The following LTBR variants were observed in gnomAD, a reference collection of about 807,000 sequenced individuals.
LTBR encodes the protein lymphotoxin beta receptor, also known as tumor necrosis factor receptor superfamily member 3.
In LTBR, 15 loss-of-function variants were observed where a neutral mutation model predicts 45.4. The ratio of observed to expected loss-of-function variants is 0.33; its 90% CI spans 0.22 to 0.51. LTBR has a LOEUF of 0.51. Among genes scored for constraint, LTBR ranks in the 20% least tolerant of loss-of-function variants. The pLI is 0.97. For missense variants in LTBR, 450 were observed against 565.5 expected, an observed-to-expected ratio of 0.80 and a Z score of 2.07; for synonymous variants, 228 against 231.0, an observed-to-expected ratio of 0.99 and a Z score of 0.12.
upstream of LTBR, among the ~76,000 whole-genome samples, chr12:6,379,866 G>A (rs1216171187): frequency 6.6e-6 from 1 of 150,996 alleles, no homozygotes; most frequent in Non-Finnish European, 1.5e-5. Flanking sequence ...CCGGGGAGGT[G>A]GAGCTTGGAG....
At position 6,391,291 on chromosome 12, in the gene LTBR, G is replaced by A. The variant is rs548960353; in HGVS notation, c.*354G>A. 3.5e-5 allele frequency: 7 copies of A among 198,146 alleles called. 1 individual carries two copies. In the South Asian group the frequency reaches 7.3e-4, roughly 21 times the overall value. The allele number at this position is 198,146 out of a possible 1,614,324, so 12.3% of individuals were successfully genotyped here. A position where few individuals can be genotyped will look rare whatever the true frequency, so the allele number is the denominator to read the frequency against. On this transcript the variant is annotated 3_prime_UTR_variant, in exon 10 of 10. Coordinates refer to ENST00000228918, the MANE Select transcript of LTBR (RefSeq NM_002342.3). ...CCGCCACACGGTCACCTGCAAGGAC[G>A]TCACGGGCCCCTCTAAAGGATTCGT...
chr12:6,380,703 A>AAAG (rs559508812), upstream of LTBR, among the ~76,000 whole-genome samples: 727 of 151,648 alleles, frequency 4.8e-3, 2 homozygotes, highest in Middle Eastern at 0.02. Flanking sequence ...AAAAAAAAAA[A>AAAG]AAGAAGAAGA....
chr12:6,386,253 G>C lies in LTBR; in HGVS notation c.569+91G>C. ...CGCCTATCCTTGACACCACGGACTC[G>C]ACTCACCACTTTCAGCCTCCCCGCC... On this transcript the variant is annotated intron_variant, in intron 5 of 9. Transcript: ENST00000228918. The surrounding 1 kb of genome is among the most constrained non-coding windows in gnomAD (Gnocchi z 4.1). 6.8e-7 allele frequency: 1 copy of C among 1,479,208 alleles called. No homozygotes were observed. Among genetic ancestry groups the C allele is most frequent in the Non-Finnish European group, 9.4e-7 (1 of 1,061,530 alleles). 91.6% of individuals were successfully genotyped at this position (1,479,208 alleles called of 1,614,324 possible). A position where few individuals can be genotyped will look rare whatever the true frequency, so the allele number is the denominator to read the frequency against.
intron 1 of LTBR, among the ~76,000 whole-genome samples, chr12:6,378,205 T>A (rs1334004537): frequency 7.3e-6 from 1 of 137,712 alleles, no homozygotes; most frequent in Admixed American, 7.5e-5. Context: ...TTACATGTAT[T>A]TTTAAAAAAC....
Position 6,390,734 on chromosome 12 carries a change from C to A in LTBR, c.1105C>A (p.Leu369Met), listed in dbSNP as rs1192093986. 1.3e-6 allele frequency: 2 copies of A among 1,554,474 alleles called. No individual in the cohort carries two copies. The highest frequency in any genetic ancestry group is 4.5e-5 in the East Asian group (2 of 44,364). The change falls in exon 10 of 10, where the codon CTG (leucine) becomes ATG (methionine). Residue 369 changes from leucine (L) to methionine (M), a missense_variant. Transcript: ENST00000228918. Reference sequence around the variant, plus strand: ...CATCTACATCTACAATGGACCAGTACTGGGGGGACCACCGGGTCCTGGAGA... The same window carrying A: ...CATCTACATCTACAATGGACCAGTAATGGGGGGACCACCGGGTCCTGGAGA... Reference protein sequence around the residue: ...GNIYIYNGPVLGGPPGPGDLP... With the variant: ...GNIYIYNGPVMGGPPGPGDLP...
At position 6,386,878 on chromosome 12, in the gene LTBR, C is replaced by T. The variant is rs1949056394; in HGVS notation, c.667+434C>T. Reference sequence around the variant, plus strand: ...TCCTGTGGACTGATTGGCTTGCTAGCCTAGTAGATGACTATTGTTTCTAAT... The same window carrying T: ...TCCTGTGGACTGATTGGCTTGCTAGTCTAGTAGATGACTATTGTTTCTAAT... On this transcript the variant is annotated intron_variant, in intron 6 of 9. Coordinates refer to ENST00000228918, the MANE Select transcript of LTBR (RefSeq NM_002342.3). This position sits in a 1 kb window ranked among gnomAD's most constrained non-coding sequence, Gnocchi z 4.1. 1.9e-5 allele frequency: 3 copies of T among 156,906 alleles called. No individual in the cohort carries two copies. Among genetic ancestry groups the T allele is most frequent in the African/African-American group, 7.2e-5 (3 of 41,620 alleles). The allele number at this position is 156,906 out of a possible 1,614,324, so 9.7% of individuals were successfully genotyped here.
At chr12:6,384,048 C>T (rs1326989177), upstream of LTBR, 1 of 1,203,290 alleles carries the variant, frequency 8.3e-7, no homozygotes, top group Admixed American at 4.4e-5. Context: ...CCCGGCCGCC[C>T]CTCCCGCCCC....
chr12:6,385,441 G>A, intron 4 of LTBR, 62 bp downstream of exon 4: 2 of 1,592,966 alleles, frequency 1.3e-6, no homozygotes, highest in Non-Finnish European at 1.7e-6. Flanking sequence ...TCTCAAGTGG[G>A]AGCAGGGAAT....
chr12:6,386,344 C>T lies in LTBR; in HGVS notation c.570-3C>T. On this transcript the variant is annotated splice_polypyrimidine_tract_variant and splice_region_variant and intron_variant, in intron 5 of 9. Coordinates refer to ENST00000228918, the MANE Select transcript of LTBR (RefSeq NM_002342.3). The surrounding 1 kb of genome is among the most constrained non-coding windows in gnomAD (Gnocchi z 4.1). ...AAGGTCATCATCTTTTTTTCCTCTG[C>T]AGGTGTGAGAACCAAGGTCTGGTGG... 7 of 1,612,192 alleles carry T rather than the reference C, an allele frequency of 4.3e-6. No homozygotes were observed. The highest frequency in any genetic ancestry group is 5.9e-6 in the Non-Finnish European group (7 of 1,178,448).
In LTBR at chr12:6,388,692, G is replaced by T; in HGVS notation, c.776-108G>T. The T allele has an allele frequency of 8.7e-6, 12 of 1,378,838 alleles. No homozygotes were observed. Among genetic ancestry groups the T allele is most frequent in the East Asian group, 7.0e-5 (3 of 43,118 alleles). The allele number at this position is 1,378,838 out of a possible 1,614,324, so 85.4% of individuals were successfully genotyped here. On this transcript the variant is annotated intron_variant, in intron 7 of 9. Transcript: ENST00000228918. This position sits in a 1 kb window ranked among gnomAD's most constrained non-coding sequence, Gnocchi z 4.3. ...GAGAGTGACAGTGGCTTGTTCCTCTGGGCCCCCGGGTGGTCAAGTTGCTAC... is the reference window on the plus strand; with the variant it reads ...GAGAGTGACAGTGGCTTGTTCCTCTTGGCCCCCGGGTGGTCAAGTTGCTAC...
At chr12:6,384,871 TCCTTA>T in intron 2 of LTBR, 146 bp from the exon 3 acceptor site, 1 of 1,126,640 alleles carries the variant, frequency 8.9e-7, no homozygotes, top group Non-Finnish European at 1.3e-6. Flanking sequence ...GCCTCCTCTT[TCCTTA>T]CCTCACTGAG....
upstream of LTBR, among the ~76,000 whole-genome samples, chr12:6,379,358 C>T (rs1181886087): frequency 6.6e-6 from 1 of 152,292 alleles, no homozygotes; most frequent in East Asian, 1.9e-4. Context: ...CTCTGACAAC[C>T]CATTTATTTG....
chr12:6,385,691 G>A (rs1949032979), intron 4 of LTBR: 1 of 405,704 alleles, frequency 2.5e-6, no homozygotes, highest in South Asian at 2.8e-5. Flanking sequence ...CGGATCACGA[G>A]GTCAGGAGAT....
In LTBR at chr12:6,388,929, A is replaced by C; in HGVS notation, c.801+104A>C. ...ATGCAGGCTGACTCCACACTCATTC[A>C]TTCATTCAACTGATGATTTACTGAA... On this transcript the variant is annotated intron_variant, in intron 8 of 9. Coordinates refer to ENST00000228918, the MANE Select transcript of LTBR (RefSeq NM_002342.3). The surrounding 1 kb of genome is among the most constrained non-coding windows in gnomAD (Gnocchi z 4.3). 7.2e-7 allele frequency: 1 copy of C among 1,389,268 alleles called. No homozygotes were observed. The highest frequency in any genetic ancestry group is 1.0e-6 in the Non-Finnish European group (1 of 982,520). 86.1% of individuals were successfully genotyped at this position (1,389,268 alleles called of 1,614,324 possible).
chr12:6,378,276 A>T (rs1215209797), intron 1 of LTBR, among the ~76,000 whole-genome samples: 1 of 151,986 alleles, frequency 6.6e-6, no homozygotes, highest in Non-Finnish European at 1.5e-5. Flanking sequence ...TACAACTTCC[A>T]TTTTTGCTTT....
At chr12:6,383,788 T>G (rs905089445), upstream of LTBR, among the ~76,000 whole-genome samples, 2 of 152,214 alleles carry the variant, frequency 1.3e-5, no homozygotes, top group African/African-American at 4.8e-5. Flanking sequence ...TCTGCGGCCT[T>G]GCAGTCCCCG....
At position 6,388,207 on chromosome 12, in the gene LTBR, G is replaced by A. The variant is rs565379234; in HGVS notation, c.668-191G>A. 2 of 567,446 alleles carry A rather than the reference G, an allele frequency of 3.5e-6. No homozygotes were observed. The highest frequency in any genetic ancestry group is 3.0e-5 in the Admixed American group (1 of 33,090). 35.2% of individuals were successfully genotyped at this position (567,446 alleles called of 1,614,324 possible). On this transcript the variant is annotated intron_variant, in intron 6 of 9. Transcript: ENST00000228918. This position sits in a 1 kb window ranked among gnomAD's most constrained non-coding sequence, Gnocchi z 4.3. The stretch of plus-strand genomic sequence containing the variant: ...CCAAGAGGTCCTCAAGTCCAACTTA[G>A]TTCCCCTTCTCTATAACCCAAGGGA...
upstream of LTBR, chr12:6,375,253 T>C (rs1948883639): frequency 7.0e-7 from 1 of 1,437,944 alleles, no homozygotes. Flanking sequence ...CTCTCCTCTT[T>C]CTGGCCTGCC....
At position 6,386,183 on chromosome 12, in the gene LTBR, G is replaced by A; in HGVS notation, c.569+21G>A. On this transcript the variant is annotated intron_variant, in intron 5 of 9. Transcript: ENST00000228918. The surrounding 1 kb of genome is among the most constrained non-coding windows in gnomAD (Gnocchi z 4.1). ...ACCAGGTGAGTGCAGCCCCACCCAA[G>A]CTCCTTCCACCCTCTGAGAAGCCTC... is the stretch of plus-strand genomic sequence containing the variant. 1 of 1,597,140 alleles carries A rather than the reference G, an allele frequency of 6.3e-7. No individual in the cohort carries two copies. The highest frequency in any genetic ancestry group is 8.6e-7 in the Non-Finnish European group (1 of 1,165,140).
Sources: gnomAD v4.1 joint callset for allele counts (sites outside exome capture counted in the v4.1 genomes callset) on GRCh38, gnomAD v4.1.1 for gene constraint, Gnocchi (gnomAD v3.1) non-coding constraint, MANE v1.5 for transcripts, NCBI Gene and HGNC (gene_info 2026-07-23, HGNC 2026-07-21) for gene names.